The following CHN1 variants were observed in gnomAD, a reference collection of about 807,000 sequenced individuals.
CHN1 encodes the protein chimerin 1, also known as N-chimaerin.
CHN1 carries 37 observed loss-of-function variants against 59.5 expected under a neutral mutation model. That is an observed-to-expected ratio of 0.62 (90% CI 0.48 to 0.82). The LOEUF (loss-of-function observed/expected upper bound fraction) is 0.82, where lower values mean the gene tolerates loss of function less well. Among genes scored for constraint, CHN1 ranks in the 40% least tolerant of loss-of-function variants. The probability of loss-of-function intolerance (pLI) is 0.00; values close to 1 mark genes in which losing one functional copy is unlikely to be tolerated. For missense variants in CHN1, 469 were observed against 571.0 expected (o/e 0.82, Z 1.82); for synonymous variants, 206 against 200.4 (o/e 1.03, Z -0.24).
intron 9 of CHN1, 79 bp downstream of exon 9, chr2:174,812,230 A>G (rs1685099544): frequency 8.1e-7 from 1 of 1,240,460 alleles, no homozygotes; most frequent in Non-Finnish European, 1.1e-6. Flanking sequence ...CGTATTGTGC[A>G]ATGAGGTACC....
intron 1 of CHN1, among the ~76,000 whole-genome samples, chr2:174,992,955 A>AT (rs972459036): frequency 2.6e-5 from 4 of 152,000 alleles, no homozygotes; most frequent in South Asian, 2.1e-4. Flanking sequence ...CATGCCAGCT[A>AT]TTTTTTTATT....
intron 5 of CHN1, among the ~76,000 whole-genome samples, chr2:174,895,230 A>G (rs1688184560): frequency 1.3e-5 from 2 of 151,702 alleles, no homozygotes; most frequent in Admixed American, 1.3e-4. Context: ...ACACACACAC[A>G]CACACACACA....
intron 1 of CHN1, among the ~76,000 whole-genome samples, chr2:174,989,588 G>GCGAA (rs1015906686): frequency 1.3e-5 from 2 of 151,672 alleles, no homozygotes; most frequent in Admixed American, 6.6e-5. Context: ...CCAGAACTTC[G>GCGAA]AGACCAGCCT....
At chr2:174,826,104 A>G (rs1223204657) in intron 7 of CHN1, among the ~76,000 whole-genome samples, 2 of 151,440 alleles carry the variant, frequency 1.3e-5, no homozygotes, top group African/African-American at 2.5e-5. Flanking sequence ...GTCTGAGTAC[A>G]AAATTTTATG....
At chr2:174,864,009 A>G (rs1687141478) in intron 6 of CHN1, among the ~76,000 whole-genome samples, 1 of 152,138 alleles carries the variant, frequency 6.6e-6, no homozygotes, top group South Asian at 2.1e-4. Context: ...TTTTTTTCTT[A>G]TAGTTATGAA....
At chr2:174,906,907 G>A (rs1688558910) in intron 5 of CHN1, among the ~76,000 whole-genome samples, 1 of 152,030 alleles carries the variant, frequency 6.6e-6, no homozygotes, top group Non-Finnish European at 1.5e-5. Context: ...TAAAAGGGGG[G>A]AAAAAATGAG....
At chr2:174,891,300 G>A (rs1197428746) in intron 5 of CHN1, among the ~76,000 whole-genome samples, 3 of 151,812 alleles carry the variant, frequency 2.0e-5, no homozygotes, top group East Asian at 3.9e-4. Flanking sequence ...GGCCGGGAGC[G>A]GTGGCTCATG....
chr2:174,864,429 A>G (rs1355097439), intron 6 of CHN1, among the ~76,000 whole-genome samples: 1 of 152,236 alleles, frequency 6.6e-6, no homozygotes, highest in African/African-American at 2.4e-5. Flanking sequence ...TTTATCTAAA[A>G]TATAATAAAT....
At chr2:174,925,425 G>A (rs565961733) in intron 3 of CHN1, among the ~76,000 whole-genome samples, 9 of 152,262 alleles carry the variant, frequency 5.9e-5, no homozygotes, top group Non-Finnish European at 1.2e-4. Flanking sequence ...AAAAGGCCCC[G>A]CAAAGCCATC....
chr2:174,804,944 T>A (rs1265369522), intron 11 of CHN1, among the ~76,000 whole-genome samples: 1 of 152,242 alleles, frequency 6.6e-6, no homozygotes, highest in Non-Finnish European at 1.5e-5. Flanking sequence ...TGGCAGACAT[T>A]CTTCTCCAGA....
chr2:174,801,934 C>T, intron 11 of CHN1, 122 bp from the exon 12 acceptor site: 1 of 731,444 alleles, frequency 1.4e-6, no homozygotes, highest in Non-Finnish European at 2.4e-6. Flanking sequence ...TCTCGTAATT[C>T]CTTGTCCACA....
Position 174,824,453 on chromosome 2 carries a change from A to C in CHN1, c.693T>G (p.Ala231=). 6.2e-7 allele frequency: 1 copy of C among 1,606,986 alleles called. No individual in the cohort carries two copies. The highest frequency in any genetic ancestry group is 8.5e-7 in the Non-Finnish European group (1 of 1,176,844). Residue 231 remains alanine (A), a synonymous_variant, in exon 8 of 13, where the codon GCT becomes GCG. Coordinates refer to ENST00000409900, the MANE Select transcript of CHN1 (RefSeq NM_001822.7). ...TCTTACCTGCACATTTCACTCCCTG[A>C]GCAATGAGACCCCACATAAAGTTGG... ...YCANFMWGLI[A]QGVKCADCGL...
intron 3 of CHN1, among the ~76,000 whole-genome samples, chr2:174,940,211 T>A (rs1165076052): frequency 6.6e-6 from 1 of 152,048 alleles, no homozygotes; most frequent in Non-Finnish European, 1.5e-5. Flanking sequence ...TTGTTTTTAG[T>A]AGAGATGGTG....
chr2:174,913,979 C>T (rs762314919), intron 5 of CHN1, among the ~76,000 whole-genome samples: 36 of 152,148 alleles, frequency 2.4e-4, no homozygotes, highest in Non-Finnish European at 3.8e-4. Flanking sequence ...ACAAAGACAA[C>T]GGATAAATAT....
At chr2:174,875,207 A>C (rs1229097481) in intron 6 of CHN1, among the ~76,000 whole-genome samples, 2 of 152,154 alleles carry the variant, frequency 1.3e-5, no homozygotes, top group Non-Finnish European at 2.9e-5. Flanking sequence ...TTAAATTTTC[A>C]TCAAACCTAT....
chr2:174,831,839 G>A (rs1237146793), intron 7 of CHN1, among the ~76,000 whole-genome samples: 1 of 152,038 alleles, frequency 6.6e-6, no homozygotes, highest in Non-Finnish European at 1.5e-5. Flanking sequence ...TCAAATATTA[G>A]TAAAAATCAA....
intron 1 of CHN1, among the ~76,000 whole-genome samples, chr2:175,003,121 T>A (rs1420494234): frequency 1.3e-5 from 2 of 152,204 alleles, no homozygotes. Flanking sequence ...ACATCCCAGA[T>A]GACTGATGAG....
chr2:174,812,300 A>G lies in CHN1; in HGVS notation c.886+9T>C. On this transcript the variant is annotated intron_variant, in intron 9 of 12. Transcript: ENST00000409900. ...GAGACCACTGCAACCCGCACTGCAA[A>G]TGGCTCACCTCTAGACTCAATCTCC... 6.2e-7 allele frequency: 1 copy of G among 1,602,836 alleles called. No homozygotes were observed. Among genetic ancestry groups the G allele is most frequent in the Non-Finnish European group, 8.5e-7 (1 of 1,172,408 alleles).
At chr2:174,922,017 G>T (rs779051279) in intron 3 of CHN1, among the ~76,000 whole-genome samples, 3 of 152,074 alleles carry the variant, frequency 2.0e-5, no homozygotes, top group Non-Finnish European at 4.4e-5. Context: ...TCTTCCCGAG[G>T]TAAGTTCCAC....
Sources: allele counts gnomAD v4.1 joint callset (sites outside exome capture counted in the v4.1 genomes callset), GRCh38; gene constraint gnomAD v4.1.1; transcripts MANE v1.5; gene names NCBI Gene and HGNC (gene_info 2026-07-23, HGNC 2026-07-21).